Variants in MCTP1 observed in about 807,000 individuals in gnomAD.
MCTP1 encodes the protein multiple C2 and transmembrane domain-containing protein 1.
MCTP1 carries 69 observed loss-of-function variants against 120.6 expected under a neutral mutation model. The observed-to-expected ratio is 0.57, with a 90% confidence interval of 0.47 to 0.70. MCTP1 has a LOEUF of 0.70. MCTP1 is among the 30% of genes least tolerant of loss of function. MCTP1 has a pLI of 0.00. For synonymous variants in MCTP1, 529 were observed against 493.1 expected (o/e 1.07, Z -0.96); for missense variants, 1,203 against 1,248.8 (o/e 0.96, Z 0.55).
chr5:95,218,842 T>C (rs553150092), intron 1 of MCTP1, among the ~76,000 whole-genome samples: 27 of 152,316 alleles, frequency 1.8e-4, no homozygotes, highest in African/African-American at 6.0e-4. Flanking sequence ...CTGAATACTA[T>C]AGGCAAATTT....
Position 94,873,138 on chromosome 5 carries a change from CA to C in MCTP1, c.2036del (p.Phe679SerfsTer12). On this transcript the variant is annotated frameshift_variant and splice_region_variant, in exon 13 of 23. Coordinates refer to ENST00000515393, the MANE Select transcript of MCTP1 (RefSeq NM_024717.7). LOFTEE classifies it high-confidence loss of function. ...LNPEWNKVFT[F>X]NIKDIHSVLE... ...CAGAGCCCAAAGAAATGCCTACTTA[CA>C]ACGTGAAGACTTTATTCCACTCAGG... 6.5e-7 allele frequency: 1 copy of C among 1,548,826 alleles called. No individual in the cohort carries two copies. The highest frequency in any genetic ancestry group is 8.9e-7 in the Non-Finnish European group (1 of 1,122,372).
At chr5:95,268,941 T>C (rs1006057894) in intron 1 of MCTP1, among the ~76,000 whole-genome samples, 3 of 152,172 alleles carry the variant, frequency 2.0e-5, no homozygotes, top group Non-Finnish European at 2.9e-5. Context: ...AGCTTTTCAA[T>C]ATTGAAGAAA....
chr5:95,250,154 T>C (rs982413443), intron 1 of MCTP1, among the ~76,000 whole-genome samples: 2 of 147,452 alleles, frequency 1.4e-5, no homozygotes, highest in Non-Finnish European at 3.1e-5. Flanking sequence ...CTTAAAAGTA[T>C]AATAAAAAAA....
chr5:95,176,112 A>G (rs1471933967), intron 1 of MCTP1, among the ~76,000 whole-genome samples: 4 of 152,166 alleles, frequency 2.6e-5, no homozygotes, highest in Admixed American at 2.6e-4. Context: ...CAAATGAGCT[A>G]CTTGATGTGA....
At chr5:95,106,180 T>C (rs775839183) in intron 1 of MCTP1, among the ~76,000 whole-genome samples, 3 of 152,240 alleles carry the variant, frequency 2.0e-5, no homozygotes, top group South Asian at 2.1e-4. Context: ...TGATCACAGA[T>C]GGGCCATCGC....
chr5:95,109,799 CA>C (rs1188972746), intron 1 of MCTP1, among the ~76,000 whole-genome samples: 1 of 152,068 alleles, frequency 6.6e-6, no homozygotes, highest in Non-Finnish European at 1.5e-5. Flanking sequence ...TTCTTTATAT[CA>C]ATACTTCATC....
At chr5:95,047,049 G>A (rs1744719875) in intron 1 of MCTP1, among the ~76,000 whole-genome samples, 1 of 152,148 alleles carries the variant, frequency 6.6e-6, no homozygotes, top group Admixed American at 6.5e-5. Flanking sequence ...CTGACATGGT[G>A]AGCACTCTAC....
intron 1 of MCTP1, among the ~76,000 whole-genome samples, chr5:95,108,826 C>G (rs1308483882): frequency 2.0e-5 from 3 of 152,288 alleles, no homozygotes; most frequent in Admixed American, 6.5e-5. Context: ...AGAATCCACA[C>G]AGCCTTAAAA....
At chr5:94,713,069 G>A (rs948630750) in intron 20 of MCTP1, among the ~76,000 whole-genome samples, 10 of 152,006 alleles carry the variant, frequency 6.6e-5, no homozygotes, top group Admixed American at 1.3e-4. Flanking sequence ...CCCCCAAAAA[G>A]GGATGCAATT....
intron 19 of MCTP1, among the ~76,000 whole-genome samples, chr5:94,756,551 T>G (rs1445979309): frequency 6.6e-6 from 1 of 152,176 alleles, no homozygotes; most frequent in African/African-American, 2.4e-5. Context: ...AAGAATGAAT[T>G]ATACACATAG....
intron 1 of MCTP1, among the ~76,000 whole-genome samples, chr5:95,029,445 C>G (rs1250720610): frequency 3.9e-5 from 6 of 152,166 alleles, no homozygotes; most frequent in African/African-American, 7.2e-5. Context: ...GATGCTAGTT[C>G]TCCTCAGAAA....
intron 1 of MCTP1, among the ~76,000 whole-genome samples, chr5:95,130,081 C>A (rs1758930469): frequency 6.6e-6 from 1 of 152,166 alleles, no homozygotes; most frequent in African/African-American, 2.4e-5. Flanking sequence ...CCAGTATCAC[C>A]CCCTGTCCCC....
chr5:95,053,478 C>T (rs1012936436), intron 1 of MCTP1, among the ~76,000 whole-genome samples: 5 of 152,160 alleles, frequency 3.3e-5, no homozygotes, highest in Admixed American at 6.5e-5. Context: ...AAGCTTAATA[C>T]GCACAGGAAT....
At chr5:94,710,596 AT>A (rs1756556991) in intron 21 of MCTP1, 1 of 447,840 alleles carries the variant, frequency 2.2e-6, no homozygotes, top group Non-Finnish European at 3.9e-6. Context: ...TAACATGTTT[AT>A]AGTATGATGA....
At chr5:95,213,132 A>C (rs193180086) in intron 1 of MCTP1, among the ~76,000 whole-genome samples, 1,596 of 152,274 alleles carry the variant, frequency 0.01, 14 homozygotes, top group Middle Eastern at 0.031. Flanking sequence ...CTCAGCCCAA[A>C]ATCTCCTTAA....
At chr5:94,780,574 G>A (rs965565821) in intron 18 of MCTP1, among the ~76,000 whole-genome samples, 2 of 152,070 alleles carry the variant, frequency 1.3e-5, no homozygotes, top group Non-Finnish European at 2.9e-5. Context: ...TGGACATTCA[G>A]CTTTCAAAAG....
chr5:95,125,167 C>G (rs1758528985), intron 1 of MCTP1, among the ~76,000 whole-genome samples: 1 of 152,142 alleles, frequency 6.6e-6, no homozygotes. Context: ...GAAAGTTAGT[C>G]CATTGTGCAA....
At chr5:95,273,188 G>C (rs1759547682) in intron 1 of MCTP1, among the ~76,000 whole-genome samples, 1 of 152,222 alleles carries the variant, frequency 6.6e-6, no homozygotes, top group East Asian at 1.9e-4. Flanking sequence ...GTGTGGTGTG[G>C]TGAAAATACT....
intron 1 of MCTP1, among the ~76,000 whole-genome samples, chr5:95,179,617 A>G (rs1013233510): frequency 6.6e-6 from 1 of 152,228 alleles, no homozygotes; most frequent in Non-Finnish European, 1.5e-5. Flanking sequence ...TTTTCCAGAC[A>G]TAACAAATGC....
Sources: allele counts gnomAD v4.1 joint callset (sites outside exome capture counted in the v4.1 genomes callset), GRCh38; gene constraint gnomAD v4.1.1; transcripts MANE v1.5; gene names NCBI Gene and HGNC (gene_info 2026-07-23, HGNC 2026-07-21).